Variants in MYRIP observed in about 807,000 individuals in gnomAD.
The protein encoded by MYRIP is myosin VIIA and Rab interacting protein.
Under a neutral mutation model 98.0 loss-of-function variants are expected in MYRIP, and 49 were observed. The ratio of observed to expected loss-of-function variants is 0.50; its 90% CI spans 0.40 to 0.63. The LOEUF (loss-of-function observed/expected upper bound fraction) is 0.63, where lower values mean the gene tolerates loss of function less well. MYRIP is among the 30% of genes least tolerant of loss of function. The pLI, the probability that MYRIP is intolerant of heterozygous loss-of-function variation, is 0.00. For missense variants in MYRIP, 1,004 were observed against 1,058.2 expected, an observed-to-expected ratio of 0.95 and a Z score of 0.71; for synonymous variants, 404 against 409.5, an observed-to-expected ratio of 0.99 and a Z score of 0.16.
rs1034677210 is a variant in MYRIP at position 39,885,975 on chromosome 3, C to T, written c.-30-14812C>T. Among the ~76,000 whole-genome samples, 23 of 152,152 alleles carry T rather than the reference C, an allele frequency of 1.5e-4. 1 individual carries two copies. In the Middle Eastern group the frequency reaches 0.017, roughly 113 times the overall value. On this transcript the variant is annotated intron_variant, in intron 1 of 16. Coordinates refer to ENST00000302541, the MANE Select transcript of MYRIP (RefSeq NM_015460.4). The stretch of plus-strand genomic sequence containing the variant: ...CCGTAGCTGGGAGTAATTTGATCAT[C>T]TGAAGCCTTCTTCTCTCAGCTCATC...
intron 2 of MYRIP, among the ~76,000 whole-genome samples, chr3:39,914,175 A>G (rs1944095506): frequency 6.6e-6 from 1 of 152,210 alleles, no homozygotes; most frequent in Admixed American, 6.5e-5. Context: ...CTTATCGCAC[A>G]GGTTACAGTA....
At position 40,260,236 on chromosome 3, in the gene MYRIP, A is replaced by AGTT. The variant is rs1390530384; in HGVS notation, c.*2071_*2073dup. 6.6e-6 allele frequency: 1 copy of AGTT among 152,220 alleles called. No homozygotes were observed. The highest frequency in any genetic ancestry group is 1.5e-5 in the Non-Finnish European group (1 of 68,052). 9.4% of individuals were successfully genotyped at this position (152,220 alleles called of 1,614,324 possible). A position where few individuals can be genotyped will look rare whatever the true frequency, so the allele number is the denominator to read the frequency against. On this transcript the variant is annotated 3_prime_UTR_variant, in exon 17 of 17. Coordinates refer to ENST00000302541, the MANE Select transcript of MYRIP (RefSeq NM_015460.4). ...GATAATATCTTTGATGACTTCTGAA[A>AGTT]GTTATGCTTCCCTTCATGTTATATG...
At chr3:39,953,381 G>C (rs1477247880) in intron 2 of MYRIP, among the ~76,000 whole-genome samples, 5 of 152,122 alleles carry the variant, frequency 3.3e-5, no homozygotes, top group Non-Finnish European at 5.9e-5. Context: ...CACTTTTGGA[G>C]AGAACTGGCT....
intron 1 of MYRIP, among the ~76,000 whole-genome samples, chr3:39,900,345 A>C (rs1943713439): frequency 7.2e-6 from 1 of 138,874 alleles, no homozygotes; most frequent in South Asian, 2.2e-4. Context: ...TTTTTAAAGT[A>C]TTATAATTTT....
At chr3:40,098,781 T>TGTGTGTGTGTGTGTGTGTGTG (rs1182568507) in intron 3 of MYRIP, among the ~76,000 whole-genome samples, 1 of 150,628 alleles carries the variant, frequency 6.6e-6, no homozygotes. Flanking sequence ...TGTGTGTGTC[T>TGTGTGTGTGTGTGTGTGTGTG]TCTTACAGAT....
At chr3:40,099,945 T>A in intron 3 of MYRIP, 1 of 965,160 alleles carries the variant, frequency 1.0e-6, no homozygotes, top group Non-Finnish European at 1.2e-6. Flanking sequence ...TGTTGATGGA[T>A]TTTTCTCGGC....
chr3:39,924,324 G>A (rs1559524083), intron 2 of MYRIP, among the ~76,000 whole-genome samples: 1 of 151,950 alleles, frequency 6.6e-6, no homozygotes, highest in Admixed American at 6.6e-5. Context: ...TAAAAATCAG[G>A]ATTAGCTATA....
In MYRIP at chr3:40,212,132, A is replaced by G. The variant is rs9683119; in HGVS notation, c.1905+2039A>G. Among the ~76,000 whole-genome samples the G allele has an allele frequency of 9.9e-3, 17 of 1,724 alleles. 1 individual carries two copies. Among genetic ancestry groups the G allele is most frequent in the Non-Finnish European group, 0.023 (8 of 354 alleles). The allele number at this position is 1,724 out of a possible 152,430, so 1.1% of individuals were successfully genotyped here. A position where few individuals can be genotyped will look rare whatever the true frequency, so the allele number is the denominator to read the frequency against. ...TATATATATACATATATATACGTGT[A>G]TATATATATACATATATATACGTGT... On this transcript the variant is annotated intron_variant, in intron 11 of 16. Coordinates refer to ENST00000302541, the MANE Select transcript of MYRIP (RefSeq NM_015460.4).
chr3:40,250,355 G>T, intron 14 of MYRIP, 29 bp downstream of exon 14: 3 of 1,613,136 alleles, frequency 1.9e-6, no homozygotes, highest in Non-Finnish European at 2.5e-6. Flanking sequence ...CCCTCTGTTG[G>T]AATGTTACAT....
chr3:40,132,942 T>G (rs1374405139), intron 3 of MYRIP, among the ~76,000 whole-genome samples: 1 of 152,246 alleles, frequency 6.6e-6, no homozygotes, highest in Non-Finnish European at 1.5e-5. Context: ...TTGAAGCTAG[T>G]GTACTGCCAT....
At chr3:40,234,867 G>A (rs139320916) in intron 12 of MYRIP, among the ~76,000 whole-genome samples, 6,081 of 151,890 alleles carry the variant, frequency 0.04, 282 homozygotes, top group African/African-American at 0.11. Context: ...CATGGCAGGC[G>A]CCTGTAATCC....
chr3:40,125,127 G>T (rs867251935), intron 3 of MYRIP, among the ~76,000 whole-genome samples: 2 of 152,376 alleles, frequency 1.3e-5, no homozygotes, highest in Non-Finnish European at 1.5e-5. Context: ...ATGTGATCCA[G>T]TGGAGGCATG....
At chr3:40,218,623 TATATATATATATATA>T (rs1952217760) in intron 11 of MYRIP, among the ~76,000 whole-genome samples, 2 of 89,266 alleles carry the variant, frequency 2.2e-5, no homozygotes, top group Non-Finnish European at 2.0e-5. Flanking sequence ...TATATATATA[TATATATATATATATA>T]TATATATATA....
intron 3 of MYRIP, among the ~76,000 whole-genome samples, chr3:40,119,864 T>C (rs1282573118): frequency 6.6e-6 from 1 of 151,990 alleles, no homozygotes; most frequent in Non-Finnish European, 1.5e-5. Context: ...CATGTATACA[T>C]ATGTAACAAA....
At chr3:39,847,591 A>G (rs1942003937) in intron 1 of MYRIP, among the ~76,000 whole-genome samples, 1 of 152,046 alleles carries the variant, frequency 6.6e-6, no homozygotes, top group South Asian at 2.1e-4. Flanking sequence ...TCTTTTCTTG[A>G]TGGCACTGCT....
rs1040201204 is a variant in MYRIP, at chr3:40,258,664, G to C, written c.*498G>C. Reference sequence around the variant, plus strand: ...CTTGCAAATCCTAAGGGAAAAGCAAGTCCCTGCAGTGAGCACTAGGGACAG... The same window carrying C: ...CTTGCAAATCCTAAGGGAAAAGCAACTCCCTGCAGTGAGCACTAGGGACAG... On this transcript the variant is annotated 3_prime_UTR_variant, in exon 17 of 17. Transcript: ENST00000302541. 2.5e-5 allele frequency: 4 copies of C among 161,634 alleles called. No homozygotes were observed. Among genetic ancestry groups the C allele is most frequent in the African/African-American group, 9.6e-5 (4 of 41,776 alleles). The allele number at this position is 161,634 out of a possible 1,614,324, so 10.0% of individuals were successfully genotyped here.
At chr3:40,052,323 A>G (rs902929278) in intron 3 of MYRIP, among the ~76,000 whole-genome samples, 18 of 152,140 alleles carry the variant, frequency 1.2e-4, no homozygotes, top group Admixed American at 1.1e-3. Flanking sequence ...TTCACTTAAT[A>G]TAATGACCTC....
At chr3:40,104,424 T>C (rs1393303261) in intron 3 of MYRIP, among the ~76,000 whole-genome samples, 11 of 152,234 alleles carry the variant, frequency 7.2e-5, no homozygotes, top group Admixed American at 3.9e-4. Flanking sequence ...CCTAAACTTT[T>C]AGAGGTATAG....
chr3:40,077,685 T>A (rs994721576), intron 3 of MYRIP, among the ~76,000 whole-genome samples: 1 of 152,098 alleles, frequency 6.6e-6, no homozygotes, highest in African/African-American at 2.4e-5. Flanking sequence ...GACATAAAGG[T>A]TCTCCAAGGC....
Sources: gnomAD v4.1 joint callset for allele counts (sites outside exome capture counted in the v4.1 genomes callset) on GRCh38, gnomAD v4.1.1 for gene constraint, MANE v1.5 for transcripts, NCBI Gene and HGNC (gene_info 2026-07-23, HGNC 2026-07-21) for gene names.